Variants in XNDC1N observed in about 807,000 individuals in gnomAD.
XNDC1N encodes the protein protein XNDC1N.
chr11:71,894,012 C>G, the XNDC1N span: 2 of 839,502 alleles, frequency 2.4e-6, no homozygotes. Context: ...TCTGTGACCC[C>G]TCTCAACTTC....
At chr11:71,923,713 G>A in the XNDC1N span, among the ~76,000 whole-genome samples, 6 of 152,098 alleles carry the variant, frequency 3.9e-5, no homozygotes, top group Admixed American at 2.6e-4. Flanking sequence ...CCGCCACCAC[G>A]CCCGGCTAAT....
the XNDC1N span, chr11:71,916,151 G>A: frequency 1.4e-3 from 1,008 of 702,996 alleles, 12 homozygotes; most frequent in African/African-American, 0.016. Context: ...GAACACACCC[G>A]TAGAAAGGCC....
chr11:71,903,726 G>C, the XNDC1N span: 1 of 380,584 alleles, frequency 2.6e-6, no homozygotes, highest in South Asian at 2.2e-5. Flanking sequence ...CTGCTTCAAG[G>C]ATGTGGAAAT....
chr11:71,886,760 G>A, the XNDC1N span, among the ~76,000 whole-genome samples: 2 of 152,282 alleles, frequency 1.3e-5, no homozygotes, highest in African/African-American at 4.8e-5. Flanking sequence ...TAGCTAGCCA[G>A]GTGTTTGTAA....
the XNDC1N span, chr11:71,916,281 G>T: frequency 6.7e-5 from 47 of 701,356 alleles, no homozygotes; most frequent in African/African-American, 8.0e-4. Flanking sequence ...ACAAAATCAG[G>T]GGGGAATGGA....
chr11:71,902,748 A>T, the XNDC1N span, among the ~76,000 whole-genome samples: 1 of 152,262 alleles, frequency 6.6e-6, no homozygotes, highest in African/African-American at 2.4e-5. Context: ...GTTCTAAATC[A>T]AGGGAATTTG....
At chr11:71,894,045 C>T in the XNDC1N span, 4 of 608,462 alleles carry the variant, frequency 6.6e-6, no homozygotes, top group East Asian at 6.7e-5. Flanking sequence ...GTTCTGACAG[C>T]GTCATCAATA....
the XNDC1N span, among the ~76,000 whole-genome samples, chr11:71,920,820 G>C: frequency 1.3e-5 from 2 of 151,982 alleles, no homozygotes; most frequent in East Asian, 1.9e-4. Context: ...TTCTCTCTCT[G>C]GGTCAAAATT....
the XNDC1N span, chr11:71,878,400 G>T: frequency 1.3e-6 from 2 of 1,599,720 alleles, no homozygotes; most frequent in South Asian, 2.2e-5. Flanking sequence ...GTACACAGAA[G>T]TCCTCTTCAT....
chr11:71,893,416 A>T, the XNDC1N span: 2 of 708,658 alleles, frequency 2.8e-6, no homozygotes, highest in Non-Finnish European at 5.2e-6. Flanking sequence ...GCTGGTTTTT[A>T]TCTTTTATTT....
chr11:71,883,878 C>G, the XNDC1N span, among the ~76,000 whole-genome samples: 1 of 152,178 alleles, frequency 6.6e-6, no homozygotes, highest in Admixed American at 6.5e-5. Context: ...GACCCCTTCT[C>G]TCAATTAAGG....
the XNDC1N span, chr11:71,923,418 C>T: frequency 1.4e-6 from 1 of 701,142 alleles, no homozygotes; most frequent in Non-Finnish European, 2.6e-6. Flanking sequence ...TCTTCTGTCA[C>T]TACTTTGGCA....
the XNDC1N span, chr11:71,917,431 C>A: frequency 1.6e-6 from 1 of 634,634 alleles, no homozygotes; most frequent in Non-Finnish European, 2.9e-6. Flanking sequence ...AGCATGCATC[C>A]TCACCACACA....
chr11:71,911,457 C>T, the XNDC1N span, among the ~76,000 whole-genome samples: 79 of 152,316 alleles, frequency 5.2e-4, no homozygotes, highest in African/African-American at 1.7e-3. Flanking sequence ...TGGATGGGAG[C>T]AGCTTCTTCA....
At chr11:71,899,153 C>A in the XNDC1N span, among the ~76,000 whole-genome samples, 3 of 152,100 alleles carry the variant, frequency 2.0e-5, no homozygotes, top group East Asian at 1.9e-4. Flanking sequence ...GCCTTGAGCC[C>A]CCCAGGCCAC....
the XNDC1N span, among the ~76,000 whole-genome samples, chr11:71,881,446 A>G: frequency 6.6e-6 from 1 of 152,184 alleles, no homozygotes; most frequent in African/African-American, 2.4e-5. Flanking sequence ...GTCTAAGATC[A>G]AGACGTCAGC....
chr11:71,912,617 G>A, the XNDC1N span, among the ~76,000 whole-genome samples: 1 of 152,120 alleles, frequency 6.6e-6, no homozygotes, highest in South Asian at 2.1e-4. Context: ...CAACCCCTGC[G>A]ATATTTGGAG....
At chr11:71,898,560 T>C in the XNDC1N span, among the ~76,000 whole-genome samples, 833 of 152,276 alleles carry the variant, frequency 5.5e-3, 5 homozygotes, top group African/African-American at 0.019. Flanking sequence ...TGAGGCGACA[T>C]CACGCCACTG....
chr11:71,923,204 C>G, the XNDC1N span: 2 of 688,868 alleles, frequency 2.9e-6, no homozygotes, highest in Non-Finnish European at 5.2e-6. Flanking sequence ...CTCACAATGT[C>G]TCTTCTATTA....
Sources: allele counts gnomAD v4.1 joint callset (sites outside exome capture counted in the v4.1 genomes callset), GRCh38; gene constraint gnomAD v4.1.1; transcripts MANE v1.5; gene names NCBI Gene and HGNC (gene_info 2026-07-23, HGNC 2026-07-21).